RANBP2: variants seen among roughly 807,000 people sequenced by gnomAD.
RANBP2 encodes E3 SUMO-protein ligase RanBP2.
RANBP2 carries 57 observed loss-of-function variants against 303.6 expected under a neutral mutation model. That is an observed-to-expected ratio of 0.19 (90% CI 0.15 to 0.23). The LOEUF (loss-of-function observed/expected upper bound fraction) is 0.23, where lower values mean the gene tolerates loss of function less well. Among genes scored for constraint, RANBP2 ranks in the 10% least tolerant of loss-of-function variants. RANBP2 has a pLI of 1.00. For synonymous variants in RANBP2, 1,167 were observed against 1,301.5 expected, an observed-to-expected ratio of 0.90 and a Z score of 2.23; for missense variants, 3,138 against 3,780.8, an observed-to-expected ratio of 0.83 and a Z score of 4.46.
the RANBP2 span, among the ~76,000 whole-genome samples, chr2:109,052,714 A>G: frequency 6.6e-5 from 10 of 152,228 alleles, no homozygotes; most frequent in Admixed American, 2.0e-4. Flanking sequence ...TGGCCAGGCT[A>G]GTCTCAAACT....
At chr2:109,482,127 A>G in the RANBP2 span, among the ~76,000 whole-genome samples, 2 of 152,110 alleles carry the variant, frequency 1.3e-5, no homozygotes, top group Non-Finnish European at 2.9e-5. Flanking sequence ...CGGCTTGTGC[A>G]GCTTTTGAGT....
chr2:109,180,567 G>T, the RANBP2 span, among the ~76,000 whole-genome samples: 1 of 152,186 alleles, frequency 6.6e-6, no homozygotes, highest in Non-Finnish European at 1.5e-5. Context: ...ATTGAATCAT[G>T]GGGGTGGTTT....
the RANBP2 span, among the ~76,000 whole-genome samples, chr2:109,291,412 C>T: frequency 6.6e-6 from 1 of 151,970 alleles, no homozygotes; most frequent in Non-Finnish European, 1.5e-5. Context: ...TTATGCATCT[C>T]AGTTCCTGCA....
the RANBP2 span, among the ~76,000 whole-genome samples, chr2:109,704,227 C>T: frequency 6.6e-6 from 1 of 152,194 alleles, no homozygotes; most frequent in Admixed American, 6.5e-5. Flanking sequence ...GAGCTTTGCA[C>T]AGCACAGAGA....
At chr2:109,574,817 G>T in the RANBP2 span, 1 of 1,347,720 alleles carries the variant, frequency 7.4e-7, no homozygotes, top group Non-Finnish European at 1.0e-6. Flanking sequence ...GCTACCTTAA[G>T]ATATCTGTGC....
the RANBP2 span, chr2:108,791,936 G>A: frequency 5.6e-6 from 5 of 896,510 alleles, no homozygotes; most frequent in Non-Finnish European, 7.9e-6. Context: ...TGTAAGCTAG[G>A]AGATAGTTAC....
the RANBP2 span, among the ~76,000 whole-genome samples, chr2:108,992,626 A>AT: frequency 6.6e-6 from 1 of 152,246 alleles, no homozygotes; most frequent in Admixed American, 6.5e-5. Flanking sequence ...TCTATCTCAG[A>AT]AAACCTTCCA....
chr2:108,719,623 C>T lies in RANBP2; in HGVS notation c.17C>T (p.Ala6Val), dbSNP rs1488675115. The change falls in exon 1 of 29, where the codon GCT becomes GTT. Residue 6 changes from alanine (A) to valine (V), a missense_variant. This residue lies in a region of RANBP2 where 306 missense variants were observed against 381.9 expected (regional missense o/e 0.80). Transcript: ENST00000283195. MRRSK[A>V]DVERYIASVQ... ...GGCGGCGCGATGAGGCGCAGCAAGG[C>T]TGACGTGGAGCGGTACATCGCCTCG... 3 of 1,607,310 alleles carry T rather than the reference C, an allele frequency of 1.9e-6. No homozygotes were observed. The highest frequency in any genetic ancestry group is 3.4e-5 in the Admixed American group (2 of 59,304).
the RANBP2 span, among the ~76,000 whole-genome samples, chr2:109,287,027 G>A: frequency 6.6e-6 from 1 of 152,154 alleles, no homozygotes; most frequent in African/African-American, 2.4e-5. Context: ...GCTCTGCACT[G>A]CTCTTCCCTC....
chr2:109,199,847 T>TGGAAA, the RANBP2 span, among the ~76,000 whole-genome samples: 452 of 46,152 alleles, frequency 9.8e-3, 185 homozygotes, highest in South Asian at 0.016. Flanking sequence ...TGGAATGGAA[T>TGGAAA]GGAAATAACA....
the RANBP2 span, among the ~76,000 whole-genome samples, chr2:109,110,764 T>A: frequency 6.6e-6 from 1 of 152,310 alleles, no homozygotes. Context: ...CAGCTGTCCA[T>A]GCCTTCTTGG....
At chr2:108,977,873 A>C in the RANBP2 span, among the ~76,000 whole-genome samples, 1 of 152,170 alleles carries the variant, frequency 6.6e-6, no homozygotes, top group African/African-American at 2.4e-5. Flanking sequence ...CATCAACCAC[A>C]AGACATCATA....
At chr2:109,128,310 C>T in the RANBP2 span, 1 of 152,258 alleles carries the variant, frequency 6.6e-6, no homozygotes, top group Non-Finnish European at 1.5e-5. Flanking sequence ...CTCCTCTGCG[C>T]CTCCGTAGGA....
At chr2:108,797,782 G>A in the RANBP2 span, among the ~76,000 whole-genome samples, 2 of 152,144 alleles carry the variant, frequency 1.3e-5, no homozygotes, top group Non-Finnish European at 2.9e-5. Context: ...ACAAAGAGTG[G>A]AATATAGGAC....
the RANBP2 span, among the ~76,000 whole-genome samples, chr2:109,088,572 G>C: frequency 6.6e-6 from 1 of 151,976 alleles, no homozygotes; most frequent in Admixed American, 6.6e-5. Context: ...GAGTGCAGTG[G>C]TACGATCTTG....
intron 7 of RANBP2, among the ~76,000 whole-genome samples, chr2:108,741,499 T>C (rs1182841006): frequency 7.8e-5 from 8 of 103,190 alleles, no homozygotes; most frequent in Non-Finnish European, 1.6e-4. Context: ...CCTGGCCTTT[T>C]TTTTTTTTTT....
chr2:109,411,460 A>G, the RANBP2 span, among the ~76,000 whole-genome samples: 1 of 152,186 alleles, frequency 6.6e-6, no homozygotes, highest in Non-Finnish European at 1.5e-5. Context: ...TGAGCCTGTC[A>G]GTGGGAGGAC....
the RANBP2 span, among the ~76,000 whole-genome samples, chr2:109,452,848 G>A: frequency 2.7e-4 from 41 of 149,600 alleles, no homozygotes; most frequent in Non-Finnish European, 4.9e-4. Flanking sequence ...GCTGGTCCCT[G>A]GGAGGCTGGT....
the RANBP2 span, among the ~76,000 whole-genome samples, chr2:109,150,926 A>G: frequency 2.0e-5 from 3 of 152,248 alleles, no homozygotes; most frequent in Non-Finnish European, 4.4e-5. Flanking sequence ...AGAGCATTCA[A>G]ATAAAGAAGC....
Sources: allele counts gnomAD v4.1 joint callset (sites outside exome capture counted in the v4.1 genomes callset), GRCh38; gene constraint gnomAD v4.1.1; regional missense constraint gnomAD v4.1.1; transcripts MANE v1.5; gene names NCBI Gene and HGNC (gene_info 2026-07-23, HGNC 2026-07-21).